Variants in ACOX1 observed in about 807,000 individuals in gnomAD.
The protein encoded by ACOX1 is acyl-CoA oxidase 1.
A neutral mutation model predicts 75.5 loss-of-function variants in ACOX1; 41 were observed. The observed-to-expected ratio is 0.54, with a 90% CI of 0.42 to 0.70. The LOEUF (loss-of-function observed/expected upper bound fraction) is 0.70. Among genes scored for constraint, ACOX1 ranks in the 30% least tolerant of loss-of-function variants. ACOX1 has a pLI of 0.00. For synonymous variants in ACOX1, 303 were observed against 298.8 expected (o/e 1.01, Z -0.15); for missense variants, 630 against 837.5 (o/e 0.75, Z 3.06).
chr17:75,953,555 A>G lies in ACOX1; in HGVS notation c.840T>C (p.Phe280=), dbSNP rs201023888. 2.0e-5 allele frequency: 33 copies of G among 1,614,208 alleles called. No individual in the cohort carries two copies. In the East Asian group the frequency reaches 7.4e-4, roughly 36 times the overall value. ...SNKLTYGTMV[F]VRSFLVGEAA... is the part of the protein sequence containing the mutation. ...CTTCTCCCACAAGGAAGGACCTGACAAACACCATGGTCCCGTAAGTCAGCT... is the reference window on the plus strand; with the variant it reads ...CTTCTCCCACAAGGAAGGACCTGACGAACACCATGGTCCCGTAAGTCAGCT... Residue 280 remains phenylalanine (F), a synonymous_variant, in exon 7 of 14, where the codon TTT becomes TTC. Transcript: ENST00000293217.
chr17:75,958,605 G>A (rs1029196541), intron 3 of ACOX1, among the ~76,000 whole-genome samples: 30 of 151,448 alleles, frequency 2.0e-4, no homozygotes, highest in Admixed American at 8.5e-4. Context: ...TCAGGAGATC[G>A]AGACCATCCT....
At chr17:75,957,616 AG>A in intron 3 of ACOX1, 50 bp from the exon 4 acceptor site, 3 of 1,462,008 alleles carry the variant, frequency 2.1e-6, no homozygotes, top group Non-Finnish European at 2.9e-6. Context: ...GGAAAAAAAT[AG>A]GCACAAGGAA....
At position 75,967,752 on chromosome 17, in the gene ACOX1, A is replaced by T. The variant is rs181397600; in HGVS notation, c.270-7377T>A. 4.0e-3 allele frequency among the ~76,000 whole-genome samples: 558 copies of T among 138,992 alleles called. 17 individuals are homozygous for T. The highest frequency in any genetic ancestry group is 0.011 in the African/African-American group (434 of 38,740). The allele number at this position is 138,992 out of a possible 152,430, so 91.2% of individuals were successfully genotyped here. A position where few individuals can be genotyped will look rare whatever the true frequency, so the allele number is the denominator to read the frequency against. On this transcript the variant is annotated intron_variant, in intron 2 of 13. Coordinates refer to ENST00000293217, the MANE Select transcript of ACOX1 (RefSeq NM_004035.7). ...TATATATACACGTATATATATATAT[A>T]TTTTTTGAGACAGCATGTCACTCTG...
Position 75,949,798 on chromosome 17 carries a change from C to T in ACOX1, c.1398G>A (p.Gln466=). 5.0e-6 allele frequency: 8 copies of T among 1,614,188 alleles called. No homozygotes were observed. The highest frequency in any genetic ancestry group is 6.8e-6 in the Non-Finnish European group (8 of 1,180,028). ...NDLPSQRIQP[Q]QVAVWPTMVD... Reference sequence around the variant, plus strand: ...CCATGGTTGGCCAGACTGCTACCTGCTGTGGCTGGATGCGCTGACTGGGCA... The same window carrying T: ...CCATGGTTGGCCAGACTGCTACCTGTTGTGGCTGGATGCGCTGACTGGGCA... The change falls in exon 10 of 14, where the codon CAG becomes CAA. Residue 466 remains glutamine (Q), a synonymous_variant. Transcript: ENST00000293217.
chr17:75,949,935 CTTTCT>C (rs1285417256), intron 9 of ACOX1, 38 bp from the exon 10 acceptor site: 1 of 1,610,816 alleles, frequency 6.2e-7, no homozygotes, highest in Admixed American at 1.7e-5. Flanking sequence ...AGTAACTCTA[CTTTCT>C]TTTGTTTCTT....
intron 2 of ACOX1, among the ~76,000 whole-genome samples, chr17:75,966,799 C>A (rs2065937086): frequency 6.6e-6 from 1 of 150,876 alleles, no homozygotes; most frequent in Non-Finnish European, 1.5e-5. Flanking sequence ...GATTCTGTCT[C>A]AAAAAAATTT....
In ACOX1 at chr17:75,951,578, C is replaced by G. The variant is rs2144242585; in HGVS notation, c.945-1G>C. On this transcript the variant is annotated splice_acceptor_variant, in intron 7 of 13. Coordinates refer to ENST00000293217, the MANE Select transcript of ACOX1 (RefSeq NM_004035.7). LOFTEE classifies it high-confidence loss of function. The stretch of plus-strand genomic sequence containing the variant: ...ATCCAAAATCTGTGGTTCTGGTTCA[C>G]TACGTGACATAGAAAAAGAAAAAAA... The G allele has an allele frequency of 6.2e-7, 1 of 1,614,078 alleles. No homozygotes were observed. The highest frequency in any genetic ancestry group is 8.5e-7 in the Non-Finnish European group (1 of 1,179,996).
rs2065690862 is a variant in ACOX1 at position 75,943,313 on chromosome 17, G to A, written c.*3435C>T. On this transcript the variant is annotated 3_prime_UTR_variant, in exon 14 of 14. Coordinates refer to ENST00000293217, the MANE Select transcript of ACOX1 (RefSeq NM_004035.7). ...GAGGCCTGAGGTGGGAGGGTCACCT[G>A]AGGCTAGGAGTTCATGACGGGCCCA... The A allele has an allele frequency of 6.6e-6, 1 of 151,984 alleles. No individual in the cohort carries two copies. Among genetic ancestry groups the A allele is most frequent in the South Asian group, 2.1e-4 (1 of 4,830 alleles). The allele number at this position is 151,984 out of a possible 1,614,324, so 9.4% of individuals were successfully genotyped here.
intron 13 of ACOX1, among the ~76,000 whole-genome samples, chr17:75,947,209 G>T (rs1197988222): frequency 6.6e-6 from 1 of 150,608 alleles, no homozygotes; most frequent in Middle Eastern, 3.2e-3. Context: ...TTAGAGCTAT[G>T]CATTGAATTA....
chr17:75,945,099 A>G lies in ACOX1; in HGVS notation c.*1649T>C, dbSNP rs1277586027. On this transcript the variant is annotated 3_prime_UTR_variant, in exon 14 of 14. Coordinates refer to ENST00000293217, the MANE Select transcript of ACOX1 (RefSeq NM_004035.7). ...GGTACTGGGTCAAAGGGGGCTCTGC[A>G]GGTCGATGATCTCCTCAAACCTGCA... The G allele has an allele frequency of 6.6e-6, 1 of 152,140 alleles. No homozygotes were observed. Among genetic ancestry groups the G allele is most frequent in the African/African-American group, 2.4e-5 (1 of 41,442 alleles). The allele number at this position is 152,140 out of a possible 1,614,324, so 9.4% of individuals were successfully genotyped here.
intron 2 of ACOX1, among the ~76,000 whole-genome samples, chr17:75,974,731 A>C (rs35573836): frequency 6.6e-6 from 1 of 151,956 alleles, no homozygotes; most frequent in East Asian, 1.9e-4. Context: ...CCAAACTACC[A>C]CCTTAAAAGA....
Position 75,958,715 on chromosome 17 carries a change from G to A in ACOX1, c.431-1149C>T, listed in dbSNP as rs554247717. On this transcript the variant is annotated intron_variant, in intron 3 of 13. Coordinates refer to ENST00000293217, the MANE Select transcript of ACOX1 (RefSeq NM_004035.7). Reference sequence around the variant, plus strand: ...CCCAGCTACTCGGGAGGCTGAGGCAGGAGAATGGCGTGAACCCGGAAGGTG... The same window carrying A: ...CCCAGCTACTCGGGAGGCTGAGGCAAGAGAATGGCGTGAACCCGGAAGGTG... Among the ~76,000 whole-genome samples the A allele has an allele frequency of 3.9e-4, 59 of 151,738 alleles. No homozygotes were observed. In the South Asian group the frequency reaches 0.012, roughly 31 times the overall value.
At chr17:75,974,672 A>G (rs1484727826) in intron 2 of ACOX1, among the ~76,000 whole-genome samples, 1 of 152,184 alleles carries the variant, frequency 6.6e-6, no homozygotes, top group Non-Finnish European at 1.5e-5. Context: ...AGCATGAACT[A>G]AAGGACAGAA....
At position 75,978,641 on chromosome 17, in the gene ACOX1, G is replaced by A. The variant is rs191919611; in HGVS notation, c.162C>T (p.Leu54=). 5 of 1,614,218 alleles carry A rather than the reference G, an allele frequency of 3.1e-6. No homozygotes were observed. The African/African-American group carries it at 4.0e-5, about 13-fold the overall frequency. The stretch of plus-strand genomic sequence containing the variant: ...CCACCTCATAACGCTGGCTGCGAGT[G>A]AGGAAGTTCAAGTCCTCATGCTGGA... ...PDFQHEDLNF[L]TRSQRYEVAV... The change falls in exon 2 of 14, where the codon CTC becomes CTT. Residue 54 remains leucine, a synonymous_variant. Coordinates refer to ENST00000293217, the MANE Select transcript of ACOX1 (RefSeq NM_004035.7). The surrounding 1 kb of genome is among the most constrained non-coding windows in gnomAD (Gnocchi z 4.2).
intron 2 of ACOX1, among the ~76,000 whole-genome samples, chr17:75,968,609 A>AC (rs2065963818): frequency 6.8e-6 from 1 of 146,758 alleles, no homozygotes. Flanking sequence ...CCGCCTGAAA[A>AC]AAAAAAAAAA....
chr17:75,949,402 A>T, intron 11 of ACOX1, 42 bp from the exon 12 acceptor site: 1 of 1,613,864 alleles, frequency 6.2e-7, no homozygotes. Flanking sequence ...GAACCTTGGA[A>T]AAAGATTCAA....
Position 75,951,531 on chromosome 17 carries a change from G to C in ACOX1, c.991C>G (p.Leu331Val). The change falls in exon 8 of 14, where the codon CTC (leucine) becomes GTC (valine). Residue 331 changes from leucine to valine, a missense_variant. Coordinates refer to ENST00000293217, the MANE Select transcript of ACOX1 (RefSeq NM_004035.7). The stretch of plus-strand genomic sequence containing the variant: ...TAGGCAGTGGCCAGGAGTGGAAAGA[G>C]TTTATACTGCTGGGTTTGAAAATCC... Reference protein sequence around the residue: ...ILDFQTQQYKLFPLLATAYAF... With the variant: ...ILDFQTQQYKVFPLLATAYAF... 6.2e-7 allele frequency: 1 copy of C among 1,614,148 alleles called. No individual in the cohort carries two copies. The highest frequency in any genetic ancestry group is 8.5e-7 in the Non-Finnish European group (1 of 1,180,036).
intron 2 of ACOX1, among the ~76,000 whole-genome samples, chr17:75,971,173 C>T (rs1431997877): frequency 3.3e-5 from 5 of 152,014 alleles, no homozygotes; most frequent in Non-Finnish European, 7.4e-5. Context: ...CGCCTCTAAT[C>T]CCAGCTACTA....
Position 75,946,307 on chromosome 17 carries a change from C to T in ACOX1, c.*441G>A, listed in dbSNP as rs182375752. 1.0e-3 allele frequency: 209 copies of T among 199,456 alleles called. 2 individuals carry two copies. The highest frequency in any genetic ancestry group is 2.3e-3 in the Admixed American group (43 of 18,558). 12.4% of individuals were successfully genotyped at this position (199,456 alleles called of 1,614,324 possible). ...TCAATCCTGCTTTTAAGCCAGGCCC[C>T]AGGGTAAGTCTGGTAGAACACTGAG... On this transcript the variant is annotated 3_prime_UTR_variant, in exon 14 of 14. Coordinates refer to ENST00000293217, the MANE Select transcript of ACOX1 (RefSeq NM_004035.7).
Sources: gnomAD v4.1 joint callset for allele counts (sites outside exome capture counted in the v4.1 genomes callset) on GRCh38, gnomAD v4.1.1 for gene constraint, Gnocchi (gnomAD v3.1) non-coding constraint, MANE v1.5 for transcripts, NCBI Gene and HGNC (gene_info 2026-07-23, HGNC 2026-07-21) for gene names.